The following GNA12 variants were observed in gnomAD, a reference collection of about 807,000 sequenced individuals.
The protein encoded by GNA12 is guanine nucleotide-binding protein subunit alpha-12.
Under a neutral mutation model 26.0 loss-of-function variants are expected in GNA12, and 9 were observed. The observed-to-expected ratio is 0.35, with a 90% CI of 0.21 to 0.60. The LOEUF is 0.60. Among genes scored for constraint, GNA12 ranks in the 20% least tolerant of loss-of-function variants. The probability of loss-of-function intolerance (pLI) is 0.78; values close to 1 mark genes in which losing one functional copy is unlikely to be tolerated. For synonymous variants in GNA12, 264 were observed against 219.6 expected (o/e 1.20, Z -1.79); for missense variants, 405 against 525.8 (o/e 0.77, Z 2.25).
Position 2,744,807 on chromosome 7 carries a change from T to C in GNA12, c.526-11306A>G, listed in dbSNP as rs1441628740. Among the ~76,000 whole-genome samples the C allele has an allele frequency of 2.6e-5, 4 of 151,984 alleles. No individual in the cohort carries two copies. The East Asian group carries it at 7.7e-4, about 29-fold the overall frequency. On this transcript the variant is annotated intron_variant, in intron 2 of 3. Transcript: ENST00000275364. ...ACAAATGGATAACTAGAATAACCAATGCAGAGAAGTCCTTAAAGGACCTGA... is the reference window on the plus strand; with the variant it reads ...ACAAATGGATAACTAGAATAACCAACGCAGAGAAGTCCTTAAAGGACCTGA...
At chr7:2,736,811 CCT>C (rs1486684089) in intron 2 of GNA12, among the ~76,000 whole-genome samples, 1 of 152,256 alleles carries the variant, frequency 6.6e-6, no homozygotes, top group East Asian at 1.9e-4. Flanking sequence ...TCGCCCGTCA[CCT>C]CTGTCTCTGC....
At chr7:2,803,254 C>T (rs926321493) in intron 1 of GNA12, among the ~76,000 whole-genome samples, 1 of 152,218 alleles carries the variant, frequency 6.6e-6, no homozygotes, top group Non-Finnish European at 1.5e-5. Flanking sequence ...CGGAGGACAG[C>T]CAGAATCGCC....
intron 1 of GNA12, among the ~76,000 whole-genome samples, chr7:2,819,590 T>C (rs1793300070): frequency 6.6e-6 from 1 of 151,566 alleles, no homozygotes; most frequent in Non-Finnish European, 1.5e-5. Context: ...AGACAAATAA[T>C]CCAAATTAAA....
chr7:2,735,839 C>T lies in GNA12; in HGVS notation c.526-2338G>A, dbSNP rs1198883006. The stretch of plus-strand genomic sequence containing the variant: ...CAGGGGGTCCGTGGGAAAGCTGCCA[C>T]TGAACTGTAAGGTGCCAGGGACTGT... On this transcript the variant is annotated intron_variant, in intron 2 of 3. Coordinates refer to ENST00000275364, the MANE Select transcript of GNA12 (RefSeq NM_007353.3). Among the ~76,000 whole-genome samples, 7 of 152,160 alleles carry T rather than the reference C, an allele frequency of 4.6e-5. No homozygotes were observed. The East Asian group carries it at 1.3e-3, about 29-fold the overall frequency.
intron 2 of GNA12, among the ~76,000 whole-genome samples, chr7:2,793,881 CAAAAAA>C (rs71026557): frequency 2.1e-5 from 2 of 95,798 alleles, no homozygotes; most frequent in Non-Finnish European, 4.0e-5. Context: ...GACTCCATCT[CAAAAAA>C]AAAAAAAAAA....
rs766061658 is a variant in GNA12, at chr7:2,762,593, CA to C, written c.526-29093del. The C allele has an allele frequency of 5.5e-5, 83 of 1,505,958 alleles. No homozygotes were observed. The Admixed American group carries it at 1.8e-3, about 33-fold the overall frequency. The allele number at this position is 1,505,958 out of a possible 1,614,324, so 93.3% of individuals were successfully genotyped here. ...TTCCTGAAAATTACATTTACAAACCCAAAAAAGGACAATCCCCTTCCGGATA... is the reference window on the plus strand; with the variant it reads ...TTCCTGAAAATTACATTTACAAACCCAAAAAGGACAATCCCCTTCCGGATA... On this transcript the variant is annotated intron_variant, in intron 2 of 3. Coordinates refer to ENST00000275364, the MANE Select transcript of GNA12 (RefSeq NM_007353.3).
At chr7:2,775,837 T>C (rs924530575) in intron 2 of GNA12, among the ~76,000 whole-genome samples, 1 of 152,090 alleles carries the variant, frequency 6.6e-6, no homozygotes, top group African/African-American at 2.4e-5. Flanking sequence ...AGTCCTCCCC[T>C]CCCTTCATCC....
chr7:2,768,209 C>G lies in GNA12; in HGVS notation c.525+26719G>C, dbSNP rs554701939. 1.5e-4 allele frequency among the ~76,000 whole-genome samples: 23 copies of G among 152,314 alleles called. No individual in the cohort carries two copies. The South Asian group carries it at 4.3e-3, about 29-fold the overall frequency. On this transcript the variant is annotated intron_variant, in intron 2 of 3. Coordinates refer to ENST00000275364, the MANE Select transcript of GNA12 (RefSeq NM_007353.3). ...TGTGAGGCCAGGCTTTGCTACTAAA[C>G]AAGTCCAAATTGAGTTAGATTAGGT...
At chr7:2,811,461 G>A (rs1025923650) in intron 1 of GNA12, among the ~76,000 whole-genome samples, 2 of 152,248 alleles carry the variant, frequency 1.3e-5, no homozygotes, top group Non-Finnish European at 2.9e-5. Context: ...AGGTACAGGA[G>A]AATAAGTGTG....
At chr7:2,758,647 C>A (rs62441393) in intron 2 of GNA12, among the ~76,000 whole-genome samples, 4,033 of 152,212 alleles carry the variant, frequency 0.026, 105 homozygotes, top group South Asian at 0.033. Context: ...GTCTCGGGGG[C>A]CCCCACAGCA....
At chr7:2,773,033 A>G (rs889371586) in intron 2 of GNA12, among the ~76,000 whole-genome samples, 21 of 152,378 alleles carry the variant, frequency 1.4e-4, no homozygotes, top group African/African-American at 4.3e-4. Context: ...AAACGATTCC[A>G]TTTAAACAAA....
At chr7:2,762,563 G>A in intron 2 of GNA12, 1 of 1,427,878 alleles carries the variant, frequency 7.0e-7, no homozygotes, top group Non-Finnish European at 9.4e-7. Context: ...TAGATCCAAT[G>A]ACATTTCCTG....
At chr7:2,761,875 C>T (rs765907587) in intron 2 of GNA12, among the ~76,000 whole-genome samples, 10 of 152,308 alleles carry the variant, frequency 6.6e-5, no homozygotes, top group African/African-American at 1.7e-4. Context: ...ACGTAAAATT[C>T]GGCTTCCAGC....
At chr7:2,758,681 G>C (rs1164275627) in intron 2 of GNA12, among the ~76,000 whole-genome samples, 1 of 152,206 alleles carries the variant, frequency 6.6e-6, no homozygotes, top group Non-Finnish European at 1.5e-5. Flanking sequence ...CCCTGTGCTA[G>C]AGAGGTTGGT....
At chr7:2,838,664 C>G (rs1335018657) in intron 1 of GNA12, among the ~76,000 whole-genome samples, 1 of 151,944 alleles carries the variant, frequency 6.6e-6, no homozygotes, top group Non-Finnish European at 1.5e-5. Context: ...AATATGCTGT[C>G]TATATGAAAC....
intron 2 of GNA12, among the ~76,000 whole-genome samples, chr7:2,739,259 C>G (rs1432157332): frequency 6.6e-6 from 1 of 152,224 alleles, no homozygotes; most frequent in Non-Finnish European, 1.5e-5. Context: ...ACGGCCACCA[C>G]TTCTACAGCC....
chr7:2,774,863 C>A (rs1409765349), intron 2 of GNA12, among the ~76,000 whole-genome samples: 1 of 152,162 alleles, frequency 6.6e-6, no homozygotes, highest in African/African-American at 2.4e-5. Flanking sequence ...CACCTTCTTA[C>A]CTGGGGTTGG....
chr7:2,782,083 G>C (rs1327380036), intron 2 of GNA12, among the ~76,000 whole-genome samples: 1 of 152,130 alleles, frequency 6.6e-6, no homozygotes, highest in Non-Finnish European at 1.5e-5. Flanking sequence ...AATTGTGCTA[G>C]AACAACTGAG....
At chr7:2,779,437 G>C (rs1170367755) in intron 2 of GNA12, among the ~76,000 whole-genome samples, 3 of 151,886 alleles carry the variant, frequency 2.0e-5, no homozygotes, top group East Asian at 1.9e-4. Flanking sequence ...TTGAACCTGC[G>C]AGTTCGAGGC....
Sources: allele counts gnomAD v4.1 joint callset (sites outside exome capture counted in the v4.1 genomes callset), GRCh38; gene constraint gnomAD v4.1.1; transcripts MANE v1.5; gene names NCBI Gene and HGNC (gene_info 2026-07-23, HGNC 2026-07-21).